The following EIF2B3 variants were observed in gnomAD, a reference collection of about 807,000 sequenced individuals.
The protein encoded by EIF2B3 is translation initiation factor eIF2B subunit gamma.
EIF2B3 carries 20 observed loss-of-function variants against 54.1 expected under a neutral mutation model. The ratio of observed to expected loss-of-function variants is 0.37; its 90% CI spans 0.26 to 0.54. The LOEUF (loss-of-function observed/expected upper bound fraction) is 0.54, where lower values mean the gene tolerates loss of function less well. Ranked by LOEUF, EIF2B3 falls within the 20% of genes least tolerant of loss-of-function variation. The probability of loss-of-function intolerance (pLI) is 0.86; values close to 1 mark genes in which losing one functional copy is unlikely to be tolerated. For missense variants in EIF2B3, 448 were observed against 547.8 expected, an observed-to-expected ratio of 0.82 and a Z score of 1.82; for synonymous variants, 153 against 188.1, an observed-to-expected ratio of 0.81 and a Z score of 1.52.
chr1:44,911,709 T>C (rs1051905661), intron 5 of EIF2B3, among the ~76,000 whole-genome samples: 1 of 150,634 alleles, frequency 6.6e-6, no homozygotes, highest in Non-Finnish European at 1.5e-5. Flanking sequence ...TTTGTTTTGT[T>C]TTGTTTTTTT....
chr1:44,957,350 C>T (rs1569839022), intron 3 of EIF2B3, among the ~76,000 whole-genome samples: 1 of 152,172 alleles, frequency 6.6e-6, no homozygotes, highest in Middle Eastern at 3.4e-3. Context: ...AGGAAAACAA[C>T]AAAAACTGAA....
At chr1:44,973,374 G>A (rs1644421686) in intron 3 of EIF2B3, among the ~76,000 whole-genome samples, 1 of 152,162 alleles carries the variant, frequency 6.6e-6, no homozygotes, top group South Asian at 2.1e-4. Flanking sequence ...CCTTAAAAAC[G>A]AAGTAAATTC....
intron 3 of EIF2B3, chr1:44,959,026 T>A (rs769153604): frequency 4.2e-5 from 31 of 736,510 alleles, no homozygotes; most frequent in Middle Eastern, 5.1e-4. Flanking sequence ...AAGAAAAAGT[T>A]CAGTGACATC....
intron 3 of EIF2B3, among the ~76,000 whole-genome samples, chr1:44,955,119 A>ATAC (rs1644208014): frequency 6.6e-6 from 1 of 152,168 alleles, no homozygotes; most frequent in South Asian, 2.1e-4. Flanking sequence ...ACTTCAAACT[A>ATAC]TACTACAAGG....
rs568526390 is a variant in EIF2B3 at position 44,854,004 on chromosome 1, T to G, written c.1307-3001A>C. ...CTTTTAGCAGTTAGTGTTTTTTTTT[T>G]TTGTTTTTTTTTTTTCTGAATGGAG... On this transcript the variant is annotated intron_variant, in intron 11 of 11. Transcript: ENST00000360403. Among the ~76,000 whole-genome samples the G allele has an allele frequency of 4.5e-3, 675 of 151,244 alleles. 1 individual carries two copies. Among genetic ancestry groups the G allele is most frequent in the Admixed American group, 6.4e-3 (96 of 15,106 alleles).
intron 5 of EIF2B3, 103 bp downstream of exon 5, chr1:44,926,525 C>A: frequency 2.2e-6 from 2 of 895,200 alleles, no homozygotes; most frequent in Non-Finnish European, 3.6e-6. Context: ...GTCAATTTCA[C>A]ACAGTATAGT....
intron 10 of EIF2B3, among the ~76,000 whole-genome samples, chr1:44,873,010 T>C (rs1027867916): frequency 1.3e-5 from 2 of 152,162 alleles, no homozygotes; most frequent in African/African-American, 4.8e-5. Context: ...ATTATTAGCA[T>C]CTCTTCTCAA....
At chr1:44,938,817 G>A (rs959226760) in intron 4 of EIF2B3, among the ~76,000 whole-genome samples, 1 of 151,894 alleles carries the variant, frequency 6.6e-6, no homozygotes, top group Non-Finnish European at 1.5e-5. Flanking sequence ...AAAGAAAGAG[G>A]CCAAGTGTGG....
rs749964150 is a variant in EIF2B3, at chr1:44,874,837, C to A, written c.1054-11G>T. 3.1e-6 allele frequency: 5 copies of A among 1,614,060 alleles called. No homozygotes were observed. The highest frequency in any genetic ancestry group is 3.4e-6 in the Non-Finnish European group (4 of 1,180,008). ...GCTGTCAACTCCAACCTGTAAAAGG[C>A]AAAATATAAAACTCTGTCCACCCAT... On this transcript the variant is annotated splice_polypyrimidine_tract_variant and intron_variant, in intron 9 of 11. Coordinates refer to ENST00000360403, the MANE Select transcript of EIF2B3 (RefSeq NM_020365.5).
chr1:44,945,472 T>A (rs957922269), intron 3 of EIF2B3, among the ~76,000 whole-genome samples: 1 of 150,668 alleles, frequency 6.6e-6, no homozygotes, highest in African/African-American at 2.4e-5. Context: ...GAGAATGGCA[T>A]GAACCCAGGG....
At chr1:44,862,473 A>C (rs1654639258) in intron 10 of EIF2B3, among the ~76,000 whole-genome samples, 1 of 152,194 alleles carries the variant, frequency 6.6e-6, no homozygotes, top group African/African-American at 2.4e-5. Flanking sequence ...CTGAGGAAGA[A>C]GGCTAACTGA....
intron 3 of EIF2B3, among the ~76,000 whole-genome samples, chr1:44,968,534 T>A (rs1396484516): frequency 6.6e-6 from 1 of 151,966 alleles, no homozygotes; most frequent in Non-Finnish European, 1.5e-5. Flanking sequence ...ACCAAGTCAC[T>A]CATAAGGGAA....
At chr1:44,925,799 C>CTG (rs954960476) in intron 5 of EIF2B3, among the ~76,000 whole-genome samples, 10 of 152,170 alleles carry the variant, frequency 6.6e-5, no homozygotes, top group African/African-American at 2.4e-4. Flanking sequence ...TGGCACATGC[C>CTG]TGTAGTCCCA....
chr1:44,863,723 C>T (rs1654683613), intron 10 of EIF2B3, among the ~76,000 whole-genome samples: 1 of 152,030 alleles, frequency 6.6e-6, no homozygotes, highest in South Asian at 2.1e-4. Context: ...GTTTCTTGTT[C>T]CTAAGTATTT....
chr1:44,962,579 C>G (rs1644296643), intron 3 of EIF2B3, among the ~76,000 whole-genome samples: 1 of 152,002 alleles, frequency 6.6e-6, no homozygotes, highest in South Asian at 2.1e-4. Flanking sequence ...CCTGGCTAAT[C>G]TAAAAAAATT....
At chr1:44,870,176 AAG>A (rs57863923) in intron 10 of EIF2B3, among the ~76,000 whole-genome samples, 64,125 of 145,680 alleles carry the variant, frequency 0.44, 14,672 homozygotes, top group East Asian at 0.66. Flanking sequence ...CGTCTCAAAA[AAG>A]AGAGAGAGAG....
intron 5 of EIF2B3, among the ~76,000 whole-genome samples, chr1:44,926,095 G>A (rs1471923909): frequency 6.6e-6 from 1 of 151,908 alleles, no homozygotes; most frequent in African/African-American, 2.4e-5. Context: ...GGGCGTGGTG[G>A]CGCATACCTG....
At chr1:44,948,760 A>AC (rs1345460492) in intron 3 of EIF2B3, among the ~76,000 whole-genome samples, 3 of 152,090 alleles carry the variant, frequency 2.0e-5, no homozygotes, top group Non-Finnish European at 1.5e-5. Flanking sequence ...CCTTAGCATG[A>AC]TTTTAAGGGT....
intron 5 of EIF2B3, among the ~76,000 whole-genome samples, chr1:44,908,537 C>A (rs57104118): frequency 6.6e-6 from 1 of 151,982 alleles, no homozygotes; most frequent in African/African-American, 2.4e-5. Context: ...CAGAAGTTAA[C>A]AGAACTATAA....
Sources: allele counts gnomAD v4.1 joint callset (sites outside exome capture counted in the v4.1 genomes callset), GRCh38; gene constraint gnomAD v4.1.1; transcripts MANE v1.5; gene names NCBI Gene and HGNC (gene_info 2026-07-23, HGNC 2026-07-21).